PLEKHA1: variants seen among roughly 807,000 people sequenced by gnomAD.
The protein encoded by PLEKHA1 is pleckstrin homology domain-containing family A member 1.
In PLEKHA1, 34 loss-of-function variants were observed where a neutral mutation model predicts 52.0. The observed-to-expected ratio is 0.65, with a 90% CI of 0.50 to 0.87. PLEKHA1 has a LOEUF of 0.87. Ranked by LOEUF, PLEKHA1 falls within the 40% of genes least tolerant of loss-of-function variation. The pLI, the probability that PLEKHA1 is intolerant of heterozygous loss-of-function variation, is 0.00. For synonymous variants in PLEKHA1, 163 were observed against 170.7 expected (o/e 0.95, Z 0.35); for missense variants, 497 against 504.2 (o/e 0.99, Z 0.14).
At chr10:122,394,011 A>G (rs1198946199) in intron 2 of PLEKHA1, among the ~76,000 whole-genome samples, 2 of 151,886 alleles carry the variant, frequency 1.3e-5, no homozygotes, top group Non-Finnish European at 2.9e-5. Flanking sequence ...TCCCAGCCTT[A>G]AGAGGCCTGA....
chr10:122,421,987 A>C (rs1284982911), intron 8 of PLEKHA1: 1 of 152,196 alleles, frequency 6.6e-6, no homozygotes, highest in Non-Finnish European at 1.5e-5. Flanking sequence ...GTTGTGCCAG[A>C]GGATAAGGAA....
chr10:122,428,415 T>C, intron 11 of PLEKHA1: 1 of 1,462,608 alleles, frequency 6.8e-7, no homozygotes, highest in Non-Finnish European at 9.1e-7. Flanking sequence ...CAACTGATCA[T>C]AGAAAGTTGA....
Position 122,375,168 on chromosome 10 carries a change from C to A in PLEKHA1, c.-21+362C>A, listed in dbSNP as rs1273442675. On this transcript the variant is annotated intron_variant, in intron 1 of 11. Coordinates refer to ENST00000368990, the MANE Select transcript of PLEKHA1 (RefSeq NM_001001974.4). ...GGGAGGCCCGCGGCGGTCGCGGGGC[C>A]GACGAGCTCCTCGGCGTCTCCGCCC... Among the ~76,000 whole-genome samples the A allele has an allele frequency of 3.3e-5, 5 of 152,058 alleles. No individual in the cohort carries two copies. The East Asian group carries it at 9.7e-4, about 30-fold the overall frequency.
intron 8 of PLEKHA1, chr10:122,421,873 A>G (rs2097265053): frequency 6.6e-6 from 1 of 151,028 alleles, no homozygotes; most frequent in African/African-American, 2.4e-5. Flanking sequence ...CCCAAAAGCA[A>G]CTGTAAATGC....
intron 10 of PLEKHA1, 84 bp downstream of exon 10, chr10:122,425,043 T>G: frequency 4.5e-5 from 55 of 1,220,128 alleles, no homozygotes; most frequent in Non-Finnish European, 5.5e-5. Context: ...AACAAGCTTG[T>G]TGCACTTGAG....
chr10:122,408,650 C>T (rs1421479033), intron 5 of PLEKHA1, among the ~76,000 whole-genome samples: 1 of 152,098 alleles, frequency 6.6e-6, no homozygotes, highest in African/African-American at 2.4e-5. Flanking sequence ...ACACATTTAA[C>T]TCATAGGATA....
rs138316855 is a variant in PLEKHA1 at position 122,407,829 on chromosome 10, C to A, written c.342+1156C>A. Among the ~76,000 whole-genome samples, 873 of 152,142 alleles carry A rather than the reference C, an allele frequency of 5.7e-3. 7 individuals are homozygous for A. The highest frequency in any genetic ancestry group is 0.02 in the African/African-American group (835 of 41,506). On this transcript the variant is annotated intron_variant, in intron 5 of 11. Transcript: ENST00000368990. The stretch of plus-strand genomic sequence containing the variant: ...TGACTTATTCTCAAAGAACATGTGC[C>A]CTGAAAGTCAGCATATGTTAGTCAC...
chr10:122,396,081 T>TA lies in PLEKHA1; in HGVS notation c.142-1837_142-1836insA, dbSNP rs2096845596. On this transcript the variant is annotated intron_variant, in intron 2 of 11. Transcript: ENST00000368990. ...CACAGAAACTGCGTATTTTGAATAT[T>TA]GTTTTTCTCTCAGCTACTTAAATTT... 1.8e-4 allele frequency among the ~76,000 whole-genome samples: 20 copies of TA among 113,640 alleles called. No individual in the cohort carries two copies. The South Asian group carries it at 6.3e-3, about 36-fold the overall frequency. The allele number at this position is 113,640 out of a possible 152,430, so 74.6% of individuals were successfully genotyped here. A position where few individuals can be genotyped will look rare whatever the true frequency, so the allele number is the denominator to read the frequency against.
chr10:122,392,432 C>T (rs1043712430), intron 1 of PLEKHA1: 1 of 152,126 alleles, frequency 6.6e-6, no homozygotes, highest in Admixed American at 6.5e-5. Flanking sequence ...TTTATGTTCA[C>T]ATGATAGGTG....
intron 1 of PLEKHA1, among the ~76,000 whole-genome samples, chr10:122,389,474 C>T (rs548685003): frequency 8.4e-4 from 128 of 152,234 alleles, no homozygotes; most frequent in Non-Finnish European, 1.2e-3. Flanking sequence ...CCAAGGCAAG[C>T]GGATCACCTG....
chr10:122,392,731 T>C (rs2096793762), intron 1 of PLEKHA1, among the ~76,000 whole-genome samples: 1 of 152,068 alleles, frequency 6.6e-6, no homozygotes, highest in African/African-American at 2.4e-5. Context: ...ATTAAAAGAG[T>C]TAACATATGG....
chr10:122,378,689 CTG>C (rs753241150), intron 1 of PLEKHA1, among the ~76,000 whole-genome samples: 2 of 149,972 alleles, frequency 1.3e-5, no homozygotes, highest in Non-Finnish European at 3.0e-5. Context: ...TGAACAGAGA[CTG>C]TGCTGTGGCA....
intron 2 of PLEKHA1, among the ~76,000 whole-genome samples, chr10:122,396,684 A>G (rs2096853713): frequency 6.6e-6 from 1 of 152,086 alleles, no homozygotes; most frequent in Non-Finnish European, 1.5e-5. Context: ...ACGTTATTAT[A>G]AAGTCAGTTG....
At chr10:122,410,727 A>T (rs1319333096) in intron 5 of PLEKHA1, among the ~76,000 whole-genome samples, 4 of 152,242 alleles carry the variant, frequency 2.6e-5, no homozygotes, top group Non-Finnish European at 5.9e-5. Flanking sequence ...ACTGTAATTT[A>T]AGAAAAATGG....
In PLEKHA1 at chr10:122,415,918, A is replaced by G. The variant is rs1257462063; in HGVS notation, c.528A>G (p.Gln176=). Residue 176 remains glutamine, a synonymous_variant, in exon 7 of 12, where the codon CAA becomes CAG. Transcript: ENST00000368990. ...ACAGAAATAATCTGAAACGGTCACAAAGCCATCTTCCTTACTTTACTCCTA... is the reference window on the plus strand; with the variant it reads ...ACAGAAATAATCTGAAACGGTCACAGAGCCATCTTCCTTACTTTACTCCTA... ...SIDRNNLKRS[Q]SHLPYFTPKP... 6.2e-7 allele frequency: 1 copy of G among 1,613,442 alleles called. No homozygotes were observed. The highest frequency in any genetic ancestry group is 8.5e-7 in the Non-Finnish European group (1 of 1,179,626).
intron 4 of PLEKHA1, among the ~76,000 whole-genome samples, chr10:122,405,599 A>G (rs989096934): frequency 6.6e-6 from 1 of 151,578 alleles, no homozygotes; most frequent in African/African-American, 2.4e-5. Flanking sequence ...AGATATTTCA[A>G]ACCTAAGGGA....
chr10:122,415,287 G>T (rs563111438), intron 6 of PLEKHA1, among the ~76,000 whole-genome samples: 35 of 152,294 alleles, frequency 2.3e-4, no homozygotes, highest in African/African-American at 8.4e-4. Context: ...ATTAGTGGCT[G>T]CCAGGGGATT....
At chr10:122,394,423 A>G (rs1383995248) in intron 2 of PLEKHA1, among the ~76,000 whole-genome samples, 2 of 152,016 alleles carry the variant, frequency 1.3e-5, no homozygotes, top group African/African-American at 4.8e-5. Flanking sequence ...GAAGTTAAAA[A>G]TGGGGTTGTA....
intron 1 of PLEKHA1, among the ~76,000 whole-genome samples, chr10:122,388,239 A>G (rs1055616619): frequency 2.0e-5 from 3 of 152,224 alleles, no homozygotes; most frequent in Admixed American, 6.5e-5. Context: ...AGGATCTTTC[A>G]TATAAATAGA....
Sources: allele counts gnomAD v4.1 joint callset (sites outside exome capture counted in the v4.1 genomes callset), GRCh38; gene constraint gnomAD v4.1.1; transcripts MANE v1.5; gene names NCBI Gene and HGNC (gene_info 2026-07-23, HGNC 2026-07-21).